Variants in OTOGL observed in about 807,000 individuals in gnomAD.
OTOGL encodes the protein otogelin-like protein.
Under a neutral mutation model 318.5 loss-of-function variants are expected in OTOGL, and 285 were observed. That is an observed-to-expected ratio of 0.89 (90% CI 0.81 to 0.99). The LOEUF (loss-of-function observed/expected upper bound fraction) is 0.99. Ranked by LOEUF, OTOGL falls within the 50% of genes least tolerant of loss-of-function variation. The pLI is 0.00. For synonymous variants in OTOGL, 987 were observed against 936.5 expected, an observed-to-expected ratio of 1.05 and a Z score of -0.99; for missense variants, 2,899 against 2,845.6, an observed-to-expected ratio of 1.02 and a Z score of -0.43.
chr12:80,239,200 A>C, intron 10 of OTOGL, 133 bp from the exon 11 acceptor site: 2 of 926,106 alleles, frequency 2.2e-6, no homozygotes, highest in East Asian at 5.5e-5. Context: ...GAAAAATGTT[A>C]GTTAAAATGT....
At chr12:80,293,071 A>G (rs1018320389) in intron 26 of OTOGL, among the ~76,000 whole-genome samples, 1 of 152,232 alleles carries the variant, frequency 6.6e-6, no homozygotes, top group East Asian at 1.9e-4. Flanking sequence ...AATCAAAGTG[A>G]TAATTCAAAT....
At chr12:80,122,250 A>G (rs1870530756) in intron 1 of OTOGL, among the ~76,000 whole-genome samples, 1 of 151,692 alleles carries the variant, frequency 6.6e-6, no homozygotes, top group Non-Finnish European at 1.5e-5. Flanking sequence ...TCCAATGTAT[A>G]AGCAAAAAAA....
At chr12:80,250,637 A>G (rs1277335049) in intron 11 of OTOGL, among the ~76,000 whole-genome samples, 2 of 152,022 alleles carry the variant, frequency 1.3e-5, no homozygotes, top group Non-Finnish European at 2.9e-5. Flanking sequence ...TTTTCGTTCT[A>G]AAGTTCAGTT....
chr12:80,237,382 A>G (rs144387295), intron 9 of OTOGL, among the ~76,000 whole-genome samples: 4 of 152,304 alleles, frequency 2.6e-5, no homozygotes, highest in East Asian at 3.9e-4. Context: ...GTAAAGAGTG[A>G]TGGAGCAAGT....
chr12:80,316,731 C>T (rs532316409), intron 32 of OTOGL, among the ~76,000 whole-genome samples: 1 of 152,108 alleles, frequency 6.6e-6, no homozygotes, highest in East Asian at 1.9e-4. Context: ...CAGTGATAGA[C>T]GTTGAAGGGG....
At chr12:80,248,388 T>C (rs1881125326) in intron 11 of OTOGL, among the ~76,000 whole-genome samples, 1 of 144,448 alleles carries the variant, frequency 6.9e-6, no homozygotes, top group Non-Finnish European at 1.5e-5. Context: ...AGCATTTGCT[T>C]GTCTATAAAG....
chr12:80,114,494 T>C (rs1870039003), intron 1 of OTOGL, among the ~76,000 whole-genome samples: 1 of 152,214 alleles, frequency 6.6e-6, no homozygotes, highest in Non-Finnish European at 1.5e-5. Flanking sequence ...ATTAGTCTGA[T>C]GGGCTTCCCT....
chr12:80,128,758 C>A (rs1592475837), intron 1 of OTOGL, among the ~76,000 whole-genome samples: 1 of 152,328 alleles, frequency 6.6e-6, no homozygotes, highest in East Asian at 1.9e-4. Flanking sequence ...CGTCCCCCAG[C>A]CTCGCTGCCG....
At chr12:80,351,781 C>A (rs1474397298) in intron 44 of OTOGL, among the ~76,000 whole-genome samples, 1 of 151,916 alleles carries the variant, frequency 6.6e-6, no homozygotes, top group South Asian at 2.1e-4. Context: ...GTCTCTAGAT[C>A]AAAATGGAAC....
At chr12:80,365,532 A>T (rs942232762) in intron 52 of OTOGL, among the ~76,000 whole-genome samples, 13 of 152,184 alleles carry the variant, frequency 8.5e-5, no homozygotes, top group African/African-American at 3.1e-4. Context: ...TATGTTACCT[A>T]AAAGAGTTAG....
intron 1 of OTOGL, among the ~76,000 whole-genome samples, chr12:80,137,935 C>G (rs1871680603): frequency 6.6e-6 from 1 of 152,060 alleles, no homozygotes; most frequent in Non-Finnish European, 1.5e-5. Context: ...TTGGAGTCTC[C>G]TAGCCTTTTA....
intron 39 of OTOGL, 64 bp from the exon 40 acceptor site, chr12:80,336,348 AG>A: frequency 1.4e-6 from 2 of 1,450,560 alleles, no homozygotes; most frequent in Non-Finnish European, 1.8e-6. Flanking sequence ...TTTTTTTAAA[AG>A]AGCAATTATT....
intron 38 of OTOGL, among the ~76,000 whole-genome samples, chr12:80,334,698 C>G (rs1565992759): frequency 6.6e-6 from 1 of 152,078 alleles, no homozygotes; most frequent in African/African-American, 2.4e-5. Context: ...GAGTAATAAG[C>G]TATACTGAAT....
chr12:80,274,035 G>T (rs1883611395), intron 24 of OTOGL, among the ~76,000 whole-genome samples: 1 of 151,800 alleles, frequency 6.6e-6, no homozygotes. Flanking sequence ...CTCTTCTCAG[G>T]TCTCTCTATT....
At chr12:80,241,891 T>C (rs1197746534) in intron 11 of OTOGL, among the ~76,000 whole-genome samples, 2 of 152,114 alleles carry the variant, frequency 1.3e-5, no homozygotes, top group African/African-American at 2.4e-5. Context: ...TTCAATTTCA[T>C]GGCCCAAACT....
intron 1 of OTOGL, among the ~76,000 whole-genome samples, chr12:80,192,196 G>A (rs576167992): frequency 3.9e-5 from 6 of 152,326 alleles, no homozygotes; most frequent in Non-Finnish European, 7.4e-5. Context: ...AGTAGGACAA[G>A]TCAGACCTCA....
chr12:80,306,800 ATTAT>A (rs1304802481), intron 29 of OTOGL, among the ~76,000 whole-genome samples: 1 of 144,844 alleles, frequency 6.9e-6, no homozygotes, highest in African/African-American at 2.6e-5. Flanking sequence ...TTATTTTATT[ATTAT>A]TATTATTATT....
chr12:80,286,154 G>A lies in OTOGL; in HGVS notation c.2928+6988G>A, dbSNP rs1384087578. On this transcript the variant is annotated intron_variant, in intron 26 of 58. Coordinates refer to ENST00000547103, the MANE Select transcript of OTOGL (RefSeq NM_001378609.3). ...TCATGTGGTTTTTGTCATTGGTTCT[G>A]TTTTCTGTGATGGATTAGATTTATT... Among the ~76,000 whole-genome samples the A allele has an allele frequency of 5.3e-5, 8 of 152,074 alleles. No homozygotes were observed. In the East Asian group the frequency reaches 1.3e-3, roughly 26 times the overall value.
At chr12:80,186,874 T>C (rs1033317128) in intron 1 of OTOGL, among the ~76,000 whole-genome samples, 3 of 152,140 alleles carry the variant, frequency 2.0e-5, no homozygotes, top group African/African-American at 4.8e-5. Context: ...AAGCACCACA[T>C]AGGAAATGAT....
Sources: allele counts gnomAD v4.1 joint callset (sites outside exome capture counted in the v4.1 genomes callset), GRCh38; gene constraint gnomAD v4.1.1; transcripts MANE v1.5; gene names NCBI Gene and HGNC (gene_info 2026-07-23, HGNC 2026-07-21).